The following SLC39A12 variants were observed in gnomAD, a reference collection of about 807,000 sequenced individuals.
The protein encoded by SLC39A12 is zinc transporter ZIP12.
A neutral mutation model predicts 71.1 loss-of-function variants in SLC39A12; 63 were observed. The ratio of observed to expected loss-of-function variants is 0.89; its 90% CI spans 0.72 to 1.09. SLC39A12 has a LOEUF of 1.09. Among genes scored for constraint, SLC39A12 ranks in the 50% least tolerant of loss-of-function variants. The pLI is 0.00. For missense variants in SLC39A12, 892 were observed against 812.6 expected, an observed-to-expected ratio of 1.10 and a Z score of -1.19; for synonymous variants, 351 against 301.3, an observed-to-expected ratio of 1.16 and a Z score of -1.71.
Position 17,981,498 on chromosome 10 carries a change from T to C in SLC39A12, c.1096+15T>C, listed in dbSNP as rs568089017. The C allele has an allele frequency of 1.3e-6, 2 of 1,592,716 alleles. No homozygotes were observed. Among genetic ancestry groups the C allele is most frequent in the African/African-American group, 2.7e-5 (2 of 74,426 alleles). The stretch of plus-strand genomic sequence containing the variant: ...CACTCTGGAGAGTAAGTTCTGGATC[T>C]TCCTTCAGAAAGCTGATGTGCACAA... On this transcript the variant is annotated intron_variant, in intron 6 of 12. Coordinates refer to ENST00000377369, the MANE Select transcript of SLC39A12 (RefSeq NM_001145195.2).
chr10:17,977,960 A>C lies in SLC39A12; in HGVS notation c.810A>C (p.Lys270Asn). 6.2e-7 allele frequency: 1 copy of C among 1,612,156 alleles called. No homozygotes were observed. Among genetic ancestry groups the C allele is most frequent in the Non-Finnish European group, 8.5e-7 (1 of 1,179,216 alleles). ...GAAGTACTTGTATCAAAAATGAGAA[A>C]ATCCATCAATTTCAAAGGAAACAAA... ...WTRSTCIKNEKIHQFQRKQNN... is the reference protein window; with the variant it reads ...WTRSTCIKNENIHQFQRKQNN... Residue 270 changes from lysine (K) to asparagine (N), a missense_variant, in exon 5 of 13, where the codon AAA becomes AAC. Transcript: ENST00000377369.
At chr10:17,973,115 T>C (rs777671117) in intron 4 of SLC39A12, among the ~76,000 whole-genome samples, 9 of 152,106 alleles carry the variant, frequency 5.9e-5, no homozygotes, top group Non-Finnish European at 1.2e-4. Flanking sequence ...AAAAAGAACA[T>C]TAATAAAAAC....
intron 12 of SLC39A12, chr10:18,009,800 ATCT>A (rs1836149413): frequency 6.6e-6 from 1 of 152,194 alleles, no homozygotes; most frequent in Admixed American, 6.5e-5. Context: ...TGAATTTAAG[ATCT>A]TCTACCTTTA....
chr10:17,963,486 A>G (rs1048650431), intron 3 of SLC39A12, among the ~76,000 whole-genome samples: 1 of 152,234 alleles, frequency 6.6e-6, no homozygotes, highest in Non-Finnish European at 1.5e-5. Context: ...TATTATATCT[A>G]GAACTCCTTT....
chr10:18,035,680 G>A (rs549977431), intron 12 of SLC39A12, among the ~76,000 whole-genome samples: 218 of 152,266 alleles, frequency 1.4e-3, no homozygotes, highest in Non-Finnish European at 2.3e-3. Flanking sequence ...GCTTTGTTCC[G>A]TTGCTGGTGA....
intron 5 of SLC39A12, 91 bp downstream of exon 5, chr10:17,978,165 G>T (rs1470290465): frequency 4.5e-6 from 5 of 1,112,370 alleles, no homozygotes; most frequent in South Asian, 3.5e-5. Context: ...AAAACTTAAA[G>T]AGTATTGTGT....
At chr10:18,040,381 A>G (rs1267407701) in intron 12 of SLC39A12, among the ~76,000 whole-genome samples, 2 of 152,170 alleles carry the variant, frequency 1.3e-5, no homozygotes, top group East Asian at 1.9e-4. Context: ...ATGGCAGGTC[A>G]TAGTAAACCA....
At chr10:17,968,323 G>A (rs542680220) in intron 4 of SLC39A12, among the ~76,000 whole-genome samples, 1 of 152,216 alleles carries the variant, frequency 6.6e-6, no homozygotes, top group Admixed American at 6.5e-5. Context: ...GACTTTGAAA[G>A]AGGAGCCCGT....
At chr10:18,017,575 G>C (rs1836421544) in intron 12 of SLC39A12, among the ~76,000 whole-genome samples, 1 of 152,208 alleles carries the variant, frequency 6.6e-6, no homozygotes, top group Non-Finnish European at 1.5e-5. Flanking sequence ...AAGAATGTAA[G>C]ACTGTGTCTA....
chr10:17,964,056 C>T (rs1834760237), intron 3 of SLC39A12, among the ~76,000 whole-genome samples: 1 of 152,196 alleles, frequency 6.6e-6, no homozygotes, highest in Non-Finnish European at 1.5e-5. Flanking sequence ...CCCTAGTGTT[C>T]CCGTAGCCCT....
chr10:17,969,900 G>T (rs893391899), intron 4 of SLC39A12, among the ~76,000 whole-genome samples: 2 of 152,114 alleles, frequency 1.3e-5, no homozygotes, highest in Admixed American at 1.3e-4. Flanking sequence ...TTTTCTTGTA[G>T]TATTTCATAG....
At chr10:17,966,231 C>A (rs1299188) in intron 4 of SLC39A12, among the ~76,000 whole-genome samples, 1 of 151,966 alleles carries the variant, frequency 6.6e-6, no homozygotes, top group East Asian at 1.9e-4. Context: ...TTGCACATTT[C>A]TTTGTACTTG....
At chr10:17,987,993 G>A (rs1201258931) in intron 7 of SLC39A12, among the ~76,000 whole-genome samples, 1 of 152,110 alleles carries the variant, frequency 6.6e-6, no homozygotes, top group Non-Finnish European at 1.5e-5. Flanking sequence ...GGCCGATGTG[G>A]TGGAACCCCA....
Position 17,996,955 on chromosome 10 carries a change from C to G in SLC39A12, c.1600+1233C>G, listed in dbSNP as rs1026584608. ...GGAGCTTGCAGGGAGGCGGAGCTTG[C>G]AGTGAGCCGAGATCGCGCCACTGCA... On this transcript the variant is annotated intron_variant, in intron 10 of 12. Coordinates refer to ENST00000377369, the MANE Select transcript of SLC39A12 (RefSeq NM_001145195.2). Among the ~76,000 whole-genome samples the G allele has an allele frequency of 2.1e-5, 3 of 143,050 alleles. No homozygotes were observed. In the Admixed American group the frequency reaches 2.3e-4, roughly 11 times the overall value. 93.8% of individuals were successfully genotyped at this position (143,050 alleles called of 152,430 possible).
chr10:17,987,664 T>A lies in SLC39A12; in HGVS notation c.1269+13T>A. On this transcript the variant is annotated intron_variant, in intron 7 of 12. Transcript: ENST00000377369. ...CCTTATCCCTCAGGTAATCTGGTCT[T>A]TTCCATTTCAGATAAAGTTCACTTC... The A allele has an allele frequency of 6.2e-7, 1 of 1,613,620 alleles. No individual in the cohort carries two copies. Among genetic ancestry groups the A allele is most frequent in the Non-Finnish European group, 8.5e-7 (1 of 1,179,908 alleles).
intron 4 of SLC39A12, among the ~76,000 whole-genome samples, chr10:17,972,014 A>G (rs115808785): frequency 6.6e-6 from 1 of 151,960 alleles, no homozygotes; most frequent in East Asian, 1.9e-4. Flanking sequence ...TTCTCATAGG[A>G]TTTGGTATGT....
At chr10:17,988,233 G>A (rs1387980368) in intron 7 of SLC39A12, among the ~76,000 whole-genome samples, 8 of 152,240 alleles carry the variant, frequency 5.3e-5, no homozygotes, top group African/African-American at 1.2e-4. Context: ...GCTTGAACTC[G>A]AGAGGCGAAG....
At chr10:18,000,208 C>T (rs1268937048) in intron 10 of SLC39A12, among the ~76,000 whole-genome samples, 1 of 152,134 alleles carries the variant, frequency 6.6e-6, no homozygotes, top group Non-Finnish European at 1.5e-5. Flanking sequence ...AATTCCATCC[C>T]AAAGGCCCTA....
chr10:17,976,974 G>A (rs539437245), intron 4 of SLC39A12, among the ~76,000 whole-genome samples: 7 of 151,958 alleles, frequency 4.6e-5, no homozygotes, highest in Non-Finnish European at 4.4e-5. Context: ...GTGAACACTT[G>A]TTCTTTTTCT....
Sources: gnomAD v4.1 joint callset for allele counts (sites outside exome capture counted in the v4.1 genomes callset) on GRCh38, gnomAD v4.1.1 for gene constraint, MANE v1.5 for transcripts, NCBI Gene and HGNC (gene_info 2026-07-23, HGNC 2026-07-21) for gene names.